The following RABGAP1 variants were observed in gnomAD, a reference collection of about 807,000 sequenced individuals.
RABGAP1 encodes the protein RAB GTPase activating protein 1.
A neutral mutation model predicts 137.6 loss-of-function variants in RABGAP1; 23 were observed. The observed-to-expected ratio is 0.17, with a 90% confidence interval of 0.12 to 0.24. The LOEUF is 0.24. Among genes scored for constraint, RABGAP1 ranks in the 10% least tolerant of loss-of-function variants. The pLI, the probability that RABGAP1 is intolerant of heterozygous loss-of-function variation, is 1.00. For synonymous variants in RABGAP1, 451 were observed against 450.7 expected (o/e 1.00, Z -0.01); for missense variants, 906 against 1,275.8 (o/e 0.71, Z 4.42).
chr9:123,103,395 A>G lies in RABGAP1; in HGVS notation c.*182A>G. The G allele has an allele frequency of 6.0e-6, 5 of 837,234 alleles. No homozygotes were observed. Among genetic ancestry groups the G allele is most frequent in the Non-Finnish European group, 8.8e-6 (5 of 565,478 alleles). The allele number at this position is 837,234 out of a possible 1,614,324, so 51.9% of individuals were successfully genotyped here. On this transcript the variant is annotated 3_prime_UTR_variant, in exon 26 of 26. Coordinates refer to ENST00000373647, the MANE Select transcript of RABGAP1 (RefSeq NM_012197.4). ...AGCAGGCAACCTCTGGGGTAAGACT[A>G]CTGATACTAACAGGCCTGCTAGCTC...
the RABGAP1 span, among the ~76,000 whole-genome samples, chr9:122,935,776 G>C: frequency 3.9e-5 from 6 of 152,262 alleles, no homozygotes; most frequent in South Asian, 1.2e-3. Flanking sequence ...TCTCTGTATG[G>C]CTTTGAGTTA....
At chr9:122,998,258 C>G (rs1208813176) in intron 9 of RABGAP1, among the ~76,000 whole-genome samples, 2 of 152,056 alleles carry the variant, frequency 1.3e-5, no homozygotes, top group East Asian at 3.9e-4. Flanking sequence ...TGCCAACATA[C>G]CTGGCTAATT....
intron 13 of RABGAP1, among the ~76,000 whole-genome samples, chr9:123,043,054 A>G (rs1352253965): frequency 2.6e-5 from 4 of 152,314 alleles, no homozygotes; most frequent in African/African-American, 7.2e-5. Context: ...TTTCCAACCC[A>G]CAATTTTATG....
intron 2 of RABGAP1, among the ~76,000 whole-genome samples, chr9:122,983,155 A>G (rs1392308833): frequency 6.6e-6 from 1 of 151,508 alleles, no homozygotes; most frequent in African/African-American, 2.4e-5. Flanking sequence ...GGCGTGAGCC[A>G]CTGCGCCCAG....
At chr9:123,082,436 A>G (rs1448162014) in intron 19 of RABGAP1, among the ~76,000 whole-genome samples, 5 of 152,170 alleles carry the variant, frequency 3.3e-5, no homozygotes, top group East Asian at 3.9e-4. Context: ...CTTTCATACA[A>G]CTGCACCTTG....
At chr9:123,015,751 G>A in intron 12 of RABGAP1, 115 bp downstream of exon 12, 1 of 612,560 alleles carries the variant, frequency 1.6e-6, no homozygotes, top group Non-Finnish European at 2.8e-6. Context: ...CGCAATGTTT[G>A]CATTCTGTGA....
chr9:123,097,837 T>C lies in RABGAP1; in HGVS notation c.2725T>C (p.Ser909Pro), dbSNP rs766554241. ...EEEKRRLEEE[S>P]AQLKEMCRRE... ...AGAGAAAAGACGGCTGGAAGAAGAG[T>C]CTGCTCAGGTAAGGGAACTCTCCCA... Residue 909 changes from serine to proline, a missense_variant, in exon 22 of 26, where the codon TCT (serine) becomes CCT (proline). Ser to Pro is a moderately conservative substitution (Grantham distance 74). Transcript: ENST00000373647. The C allele has an allele frequency of 4.3e-6, 7 of 1,612,436 alleles. No homozygotes were observed. The highest frequency in any genetic ancestry group is 5.1e-6 in the Non-Finnish European group (6 of 1,179,454).
Position 123,099,561 on chromosome 9 carries a change from C to T in RABGAP1, c.2889+12C>T, listed in dbSNP as rs1169011996. The T allele has an allele frequency of 2.5e-6, 4 of 1,590,368 alleles. No individual in the cohort carries two copies. Among genetic ancestry groups the T allele is most frequent in the Non-Finnish European group, 3.5e-6 (4 of 1,158,726 alleles). ...TTGAGAAAATTCGGGTAAGACTTCTCTTTACCTAAAAGATTTTATACCACC... is the reference window on the plus strand; with the variant it reads ...TTGAGAAAATTCGGGTAAGACTTCTTTTTACCTAAAAGATTTTATACCACC... On this transcript the variant is annotated intron_variant, in intron 24 of 25. Coordinates refer to ENST00000373647, the MANE Select transcript of RABGAP1 (RefSeq NM_012197.4).
chr9:122,945,560 G>T (rs1441929739), intron 1 of RABGAP1: 1 of 152,150 alleles, frequency 6.6e-6, no homozygotes, highest in Non-Finnish European at 1.5e-5. Flanking sequence ...ACATTAAATA[G>T]TATGTATGTA....
Position 123,070,556 on chromosome 9 carries a change from A to G in RABGAP1, c.1983+132A>G. 6.9e-7 allele frequency: 1 copy of G among 1,448,360 alleles called. No homozygotes were observed. The highest frequency in any genetic ancestry group is 9.1e-7 in the Non-Finnish European group (1 of 1,100,700). The allele number at this position is 1,448,360 out of a possible 1,614,324, so 89.7% of individuals were successfully genotyped here. Reference sequence around the variant, plus strand: ...CATGAATTTTAACACCTATAGCTGGAAACTTTTTCCTTAAATTAACTTAAT... The same window carrying G: ...CATGAATTTTAACACCTATAGCTGGGAACTTTTTCCTTAAATTAACTTAAT... On this transcript the variant is annotated intron_variant, in intron 15 of 25. Transcript: ENST00000373647. This position sits in a 1 kb window ranked among gnomAD's most constrained non-coding sequence, Gnocchi z 4.4.
intron 13 of RABGAP1, among the ~76,000 whole-genome samples, chr9:123,022,206 T>C (rs2031684136): frequency 6.6e-6 from 1 of 152,242 alleles, no homozygotes; most frequent in Non-Finnish European, 1.5e-5. Flanking sequence ...TTGGTAAGAC[T>C]ATTCATAAGA....
chr9:123,008,039 A>G (rs1021852727), intron 10 of RABGAP1, among the ~76,000 whole-genome samples: 2 of 151,662 alleles, frequency 1.3e-5, no homozygotes, highest in Non-Finnish European at 2.9e-5. Flanking sequence ...TTTACTATGG[A>G]AAATTCAAAC....
chr9:123,087,392 C>G (rs1177841023), intron 19 of RABGAP1, among the ~76,000 whole-genome samples: 1 of 152,060 alleles, frequency 6.6e-6, no homozygotes, highest in Non-Finnish European at 1.5e-5. Flanking sequence ...CACTGCCCTT[C>G]CTCTCATTTA....
chr9:122,980,657 T>C (rs1227229560), intron 2 of RABGAP1, among the ~76,000 whole-genome samples: 3 of 152,222 alleles, frequency 2.0e-5, no homozygotes, highest in African/African-American at 7.2e-5. Flanking sequence ...CAGTCAACTT[T>C]CCTAGCCTCT....
chr9:122,996,192 G>T (rs1837013501), intron 7 of RABGAP1, 41 bp downstream of exon 7: 1 of 1,578,022 alleles, frequency 6.3e-7, no homozygotes, highest in South Asian at 1.2e-5. Context: ...ATAAATTTTG[G>T]CTTTTATCAA....
intron 2 of RABGAP1, among the ~76,000 whole-genome samples, chr9:122,976,838 A>T (rs1420138054): frequency 6.6e-6 from 1 of 152,224 alleles, no homozygotes; most frequent in East Asian, 1.9e-4. Flanking sequence ...GAGTGATTAA[A>T]TCCTATCTAG....
chr9:122,966,253 A>G (rs568738704), intron 2 of RABGAP1, among the ~76,000 whole-genome samples: 2 of 152,252 alleles, frequency 1.3e-5, no homozygotes, highest in East Asian at 3.9e-4. Context: ...GGCTGGGTGC[A>G]GTGGCTCAGG....
intron 6 of RABGAP1, among the ~76,000 whole-genome samples, chr9:122,992,208 T>A (rs1411832868): frequency 6.6e-6 from 1 of 152,054 alleles, no homozygotes; most frequent in Non-Finnish European, 1.5e-5. Flanking sequence ...GGCTAATTTT[T>A]TCTATTTTTC....
At chr9:122,996,770 A>G (rs955150010) in intron 8 of RABGAP1, among the ~76,000 whole-genome samples, 165 bp downstream of exon 8, 1 of 152,168 alleles carries the variant, frequency 6.6e-6, no homozygotes, top group Non-Finnish European at 1.5e-5. Flanking sequence ...CTGACTAGCT[A>G]TTTACAAGTC....
Sources: gnomAD v4.1 joint callset for allele counts (sites outside exome capture counted in the v4.1 genomes callset) on GRCh38, gnomAD v4.1.1 for gene constraint, Gnocchi (gnomAD v3.1) non-coding constraint, MANE v1.5 for transcripts, NCBI Gene and HGNC (gene_info 2026-07-23, HGNC 2026-07-21) for gene names.